The following FKBP6 variants were observed in gnomAD, a reference collection of about 807,000 sequenced individuals.
FKBP6 encodes FKBP prolyl isomerase family member 6 (inactive), also known as inactive peptidyl-prolyl cis-trans isomerase FKBP6.
A neutral mutation model predicts 41.7 loss-of-function variants in FKBP6; 29 were observed. That is an observed-to-expected ratio of 0.70 (90% CI 0.52 to 0.95). The LOEUF (loss-of-function observed/expected upper bound fraction) is 0.95. Ranked by LOEUF, FKBP6 falls within the 40% of genes least tolerant of loss-of-function variation. The probability of loss-of-function intolerance (pLI) is 0.00; values close to 1 mark genes in which losing one functional copy is unlikely to be tolerated. For missense variants in FKBP6, 338 were observed against 408.7 expected (o/e 0.83, Z 1.49); for synonymous variants, 130 against 165.1 (o/e 0.79, Z 1.63).
chr7:73,353,962 T>A (rs1805561185), intron 8 of FKBP6, among the ~76,000 whole-genome samples: 1 of 152,074 alleles, frequency 6.6e-6, no homozygotes, highest in Admixed American at 6.5e-5. Context: ...CTCAGACTCC[T>A]GGCCTAAAGT....
chr7:73,330,290 G>C lies in FKBP6; in HGVS notation c.406G>C (p.Glu136Gln), dbSNP rs2883081. The C allele has an allele frequency of 6.2e-7, 1 of 1,614,176 alleles. No individual in the cohort carries two copies. Among genetic ancestry groups the C allele is most frequent in the African/African-American group, 1.3e-5 (1 of 75,034 alleles). The change falls in exon 4 of 9, where the codon GAG becomes CAG. Residue 136 changes from glutamate to glutamine, a missense_variant. This residue lies in a region of FKBP6 where 239 missense variants were observed against 250.1 expected (regional missense o/e 0.96). Coordinates refer to ENST00000252037, the MANE Select transcript of FKBP6 (RefSeq NM_003602.5). ...LIPPNTTVLF[E>Q]IELLDFLDCA... Reference sequence around the variant, plus strand: ...CCCCCCAAACACCACTGTCCTGTTTGAGATTGAGCTGCTTGACTTCCTGGA... The same window carrying C: ...CCCCCCAAACACCACTGTCCTGTTTCAGATTGAGCTGCTTGACTTCCTGGA...
rs1434413046 is a variant in FKBP6 at position 73,328,325 on chromosome 7, G to A, written c.-104G>A. 1 of 1,549,676 alleles carries A rather than the reference G, an allele frequency of 6.5e-7. No homozygotes were observed. Among genetic ancestry groups the A allele is most frequent in the Non-Finnish European group, 8.7e-7 (1 of 1,146,910 alleles). ...GGAATGCCGCCGTCGGTAGGGGTCTGCCGGGCATAAAGGGGCCTTCGGAAC... is the reference window on the plus strand; with the variant it reads ...GGAATGCCGCCGTCGGTAGGGGTCTACCGGGCATAAAGGGGCCTTCGGAAC... On this transcript the variant is annotated 5_prime_UTR_variant, in exon 1 of 9. Coordinates refer to ENST00000252037, the MANE Select transcript of FKBP6 (RefSeq NM_003602.5).
At chr7:73,336,742 G>C (rs1249490966) in intron 5 of FKBP6, 1 of 456,404 alleles carries the variant, frequency 2.2e-6, no homozygotes, top group Non-Finnish European at 4.4e-6. Context: ...TTTTAATGAG[G>C]CTCTGTTTCA....
At chr7:73,331,529 A>G (rs1804841619) in intron 4 of FKBP6, 128 bp from the exon 5 acceptor site, 5 of 860,320 alleles carry the variant, frequency 5.8e-6, no homozygotes, top group Middle Eastern at 2.6e-4. Flanking sequence ...ATTTTTTTAA[A>G]TGGAGACATG....
chr7:73,330,406 G>A, intron 4 of FKBP6, 54 bp downstream of exon 4: 7 of 1,374,784 alleles, frequency 5.1e-6, no homozygotes, highest in Non-Finnish European at 6.2e-6. Context: ...ATGGGTTGGT[G>A]TTATTGGTAA....
At chr7:73,329,980 A>C (rs7801936) in intron 3 of FKBP6, 170 bp from the exon 4 acceptor site, 122,442 of 665,880 alleles carry the variant, frequency 0.18, 12,365 homozygotes, top group African/African-American at 0.34. Flanking sequence ...AATAAAATTT[A>C]TATCAGTAGA....
intron 5 of FKBP6, 119 bp downstream of exon 5, chr7:73,331,895 G>T: frequency 9.5e-7 from 1 of 1,057,510 alleles, no homozygotes; most frequent in South Asian, 1.3e-5. Context: ...CAAGAGTGTC[G>T]CTCTGTCGCC....
At chr7:73,347,429 C>T (rs1006826823) in intron 8 of FKBP6, among the ~76,000 whole-genome samples, 4 of 152,202 alleles carry the variant, frequency 2.6e-5, no homozygotes, top group African/African-American at 9.6e-5. Flanking sequence ...AACTGAATTT[C>T]AGTTTCTTCT....
At chr7:73,332,013 G>A (rs1299253900) in intron 5 of FKBP6, among the ~76,000 whole-genome samples, 2 of 151,934 alleles carry the variant, frequency 1.3e-5, no homozygotes, top group South Asian at 4.2e-4. Flanking sequence ...ACAGGCACCC[G>A]CCACTTCACC....
At chr7:73,328,810 T>A in intron 2 of FKBP6, 118 bp downstream of exon 2, 1 of 1,577,530 alleles carries the variant, frequency 6.3e-7, no homozygotes, top group Non-Finnish European at 8.7e-7. Context: ...TGAAGTGGAT[T>A]TTTGTTTTTT....
rs2115806096 is a variant in FKBP6 at position 73,328,345 on chromosome 7, C to G, written c.-84C>G. On this transcript the variant is annotated 5_prime_UTR_variant, in exon 1 of 9. Transcript: ENST00000252037. ...GGTCTGCCGGGCATAAAGGGGCCTT[C>G]GGAACCCCACCAGAGTCACAGCCAG... The G allele has an allele frequency of 6.4e-7, 1 of 1,553,654 alleles. No individual in the cohort carries two copies. Among genetic ancestry groups the G allele is most frequent in the East Asian group, 2.4e-5 (1 of 41,482 alleles).
Position 73,344,958 on chromosome 7 carries a change from G to A in FKBP6, c.*2+2059G>A, listed in dbSNP as rs559243860. On this transcript the variant is annotated intron_variant, in intron 8 of 8. Transcript: ENST00000252037. Reference sequence around the variant, plus strand: ...CTGACTTGTAAGATTACTTCTGGAGGAATGAGTGTTCTCTTAAGTATTAGT... The same window carrying A: ...CTGACTTGTAAGATTACTTCTGGAGAAATGAGTGTTCTCTTAAGTATTAGT... Among the ~76,000 whole-genome samples the A allele has an allele frequency of 1.1e-4, 16 of 152,272 alleles. No individual in the cohort carries two copies. The South Asian group carries it at 3.3e-3, about 32-fold the overall frequency.
At chr7:73,328,848 G>C (rs1418876013) in intron 2 of FKBP6, among the ~76,000 whole-genome samples, 156 bp downstream of exon 2, 2 of 152,188 alleles carry the variant, frequency 1.3e-5, no homozygotes, top group African/African-American at 4.8e-5. Flanking sequence ...TTGCTCAGTT[G>C]CCCAGGCTGG....
intron 5 of FKBP6, among the ~76,000 whole-genome samples, chr7:73,335,032 G>A (rs537505080): frequency 6.6e-6 from 1 of 150,962 alleles, no homozygotes; most frequent in African/African-American, 2.4e-5. Context: ...GTCATATGAT[G>A]CTTCTACTGA....
chr7:73,352,374 C>T (rs1475871616), intron 8 of FKBP6, among the ~76,000 whole-genome samples: 1 of 152,150 alleles, frequency 6.6e-6, no homozygotes, highest in Non-Finnish European at 1.5e-5. Context: ...GGTGCATAAG[C>T]CCTGCCTCCA....
In FKBP6 at chr7:73,342,718, T is replaced by G. The variant is rs1389630730; in HGVS notation, c.894-89T>G. The G allele has an allele frequency of 3.3e-6, 3 of 910,456 alleles. No homozygotes were observed. In the South Asian group the frequency reaches 3.9e-5, roughly 12 times the overall value. The allele number at this position is 910,456 out of a possible 1,614,324, so 56.4% of individuals were successfully genotyped here. A position where few individuals can be genotyped will look rare whatever the true frequency, so the allele number is the denominator to read the frequency against. On this transcript the variant is annotated intron_variant, in intron 7 of 8. Transcript: ENST00000252037. ...TTGAGTCCTGATAAATTTTCAGTGTTTCTGGATGTGAGTGGAGAATTCCAG... is the reference window on the plus strand; with the variant it reads ...TTGAGTCCTGATAAATTTTCAGTGTGTCTGGATGTGAGTGGAGAATTCCAG...
At chr7:73,354,016 C>T (rs963568711) in intron 8 of FKBP6, among the ~76,000 whole-genome samples, 22 of 152,150 alleles carry the variant, frequency 1.4e-4, no homozygotes, top group African/African-American at 5.3e-4. Context: ...TTTAAACAAG[C>T]GTGGCAGTTT....
chr7:73,343,158 G>A (rs1368280122), intron 8 of FKBP6, among the ~76,000 whole-genome samples: 2 of 151,972 alleles, frequency 1.3e-5, no homozygotes, highest in Non-Finnish European at 1.5e-5. Context: ...TTATTTATTT[G>A]TTTGTTTGTT....
At chr7:73,341,048 C>G (rs1805166572) in intron 6 of FKBP6, among the ~76,000 whole-genome samples, 1 of 151,060 alleles carries the variant, frequency 6.6e-6, no homozygotes, top group Non-Finnish European at 1.5e-5. Context: ...CTCAGCCTCT[C>G]AAGTAGCTGG....
Sources: allele counts gnomAD v4.1 joint callset (sites outside exome capture counted in the v4.1 genomes callset), GRCh38; gene constraint gnomAD v4.1.1; regional missense constraint gnomAD v4.1.1; transcripts MANE v1.5; gene names NCBI Gene and HGNC (gene_info 2026-07-23, HGNC 2026-07-21).